Variants in OPCML observed in about 807,000 individuals in gnomAD.
The protein encoded by OPCML is opioid-binding protein/cell adhesion molecule.
A neutral mutation model predicts 37.8 loss-of-function variants in OPCML; 13 were observed. The ratio of observed to expected loss-of-function variants is 0.34; its 90% CI spans 0.22 to 0.55. OPCML has a LOEUF of 0.55. OPCML is among the 20% of genes least tolerant of loss of function. The probability of loss-of-function intolerance (pLI) is 0.91; values close to 1 mark genes in which losing one functional copy is unlikely to be tolerated. For missense variants in OPCML, 341 were observed against 435.6 expected (o/e 0.78, Z 1.93); for synonymous variants, 176 against 168.8 (o/e 1.04, Z -0.33).
chr11:132,621,023 C>A (rs890456931), intron 3 of OPCML, among the ~76,000 whole-genome samples: 1 of 152,218 alleles, frequency 6.6e-6, no homozygotes, highest in African/African-American at 2.4e-5. Context: ...AGGAAGCCAA[C>A]AGAATCTGAG....
At chr11:133,210,773 T>C (rs1939323651) in intron 1 of OPCML, among the ~76,000 whole-genome samples, 1 of 152,162 alleles carries the variant, frequency 6.6e-6, no homozygotes. Context: ...AGACCAGGTC[T>C]CAAATTCCAC....
chr11:132,592,392 G>C (rs2096485891), intron 3 of OPCML, among the ~76,000 whole-genome samples: 1 of 152,082 alleles, frequency 6.6e-6, no homozygotes, highest in South Asian at 2.1e-4. Context: ...GTACCTGGCT[G>C]GTATCTGGAA....
chr11:132,723,331 T>C (rs79758294), intron 2 of OPCML, among the ~76,000 whole-genome samples: 8,239 of 152,274 alleles, frequency 0.054, 468 homozygotes, highest in African/African-American at 0.14. Flanking sequence ...GGGGAAGCAT[T>C]ACAGCAGAGT....
At chr11:133,029,420 G>A (rs1167971226) in intron 1 of OPCML, among the ~76,000 whole-genome samples, 1 of 152,122 alleles carries the variant, frequency 6.6e-6, no homozygotes, top group Non-Finnish European at 1.5e-5. Flanking sequence ...ACACACACTT[G>A]TATGTTCATC....
chr11:133,277,300 C>A (rs886340367), intron 1 of OPCML, among the ~76,000 whole-genome samples: 2 of 151,854 alleles, frequency 1.3e-5, no homozygotes, highest in South Asian at 4.2e-4. Context: ...ATTTGGTTTT[C>A]GGGGAAGAAA....
At chr11:132,707,335 C>T (rs777635464) in intron 2 of OPCML, among the ~76,000 whole-genome samples, 1 of 152,124 alleles carries the variant, frequency 6.6e-6, no homozygotes, top group East Asian at 1.9e-4. Flanking sequence ...CAGCAGACCA[C>T]AGGAGATCCA....
At chr11:132,695,258 T>G (rs1401131985) in intron 2 of OPCML, among the ~76,000 whole-genome samples, 1 of 151,950 alleles carries the variant, frequency 6.6e-6, no homozygotes, top group Non-Finnish European at 1.5e-5. Flanking sequence ...GGAGTTGGAG[T>G]CAAGTAAATG....
chr11:133,493,842 G>A (rs913343583), intron 1 of OPCML, among the ~76,000 whole-genome samples: 1 of 152,038 alleles, frequency 6.6e-6, no homozygotes, highest in Non-Finnish European at 1.5e-5. Flanking sequence ...TAACGTTTAA[G>A]TCTTTAAAAT....
intron 2 of OPCML, among the ~76,000 whole-genome samples, chr11:132,692,875 T>G (rs181715915): frequency 7.5e-4 from 114 of 152,376 alleles, no homozygotes; most frequent in Admixed American, 2.8e-3. Context: ...CTTTTCCCAC[T>G]GGCTTTAACA....
At chr11:132,444,244 C>G (rs2136797353) in intron 4 of OPCML, among the ~76,000 whole-genome samples, 1 of 152,308 alleles carries the variant, frequency 6.6e-6, no homozygotes, top group Non-Finnish European at 1.5e-5. Flanking sequence ...TCACCCGCCT[C>G]CCATGGGGGA....
At chr11:133,000,473 C>T (rs546359324) in intron 1 of OPCML, among the ~76,000 whole-genome samples, 66 of 152,322 alleles carry the variant, frequency 4.3e-4, no homozygotes, top group African/African-American at 1.3e-3. Flanking sequence ...ATACAATACC[C>T]TTGACCAAGC....
chr11:133,450,983 T>C (rs1488647314), intron 1 of OPCML, among the ~76,000 whole-genome samples: 1 of 151,812 alleles, frequency 6.6e-6, no homozygotes, highest in East Asian at 1.9e-4. Context: ...ACATACCATA[T>C]ATATGTATAT....
intron 2 of OPCML, among the ~76,000 whole-genome samples, chr11:132,907,476 T>C (rs1026059667): frequency 6.6e-6 from 1 of 151,672 alleles, no homozygotes; most frequent in Non-Finnish European, 1.5e-5. Context: ...ACTAAAAATA[T>C]AAAAATTAGC....
chr11:132,814,645 G>A (rs1325036180), intron 2 of OPCML, among the ~76,000 whole-genome samples: 1 of 152,182 alleles, frequency 6.6e-6, no homozygotes, highest in Non-Finnish European at 1.5e-5. Context: ...CTCATCCTGA[G>A]ACACTTTCAC....
intron 1 of OPCML, among the ~76,000 whole-genome samples, chr11:133,453,537 A>G (rs2136963106): frequency 6.6e-6 from 1 of 152,318 alleles, no homozygotes; most frequent in South Asian, 2.1e-4. Flanking sequence ...TATAGATTGC[A>G]TTAAAATTGA....
intron 3 of OPCML, among the ~76,000 whole-genome samples, chr11:132,568,714 C>G (rs1464491545): frequency 6.6e-6 from 1 of 152,164 alleles, no homozygotes; most frequent in African/African-American, 2.4e-5. Flanking sequence ...AGACTTCTAG[C>G]CTTGACAACT....
At chr11:132,918,353 C>T (rs575364058) in intron 2 of OPCML, among the ~76,000 whole-genome samples, 67 of 152,272 alleles carry the variant, frequency 4.4e-4, no homozygotes, top group Admixed American at 7.9e-4. Context: ...TCCCATCCTG[C>T]TGCAAGTTCT....
At chr11:132,550,767 T>G (rs2096379790) in intron 3 of OPCML, among the ~76,000 whole-genome samples, 1 of 152,216 alleles carries the variant, frequency 6.6e-6, no homozygotes, top group Admixed American at 6.5e-5. Flanking sequence ...TCCCCAACTC[T>G]ACACTCCACC....
chr11:132,507,900 A>C (rs117770565), intron 4 of OPCML, among the ~76,000 whole-genome samples: 4 of 152,088 alleles, frequency 2.6e-5, no homozygotes, highest in South Asian at 4.1e-4. Context: ...TTTTAAAATC[A>C]TACATATGGC....
Sources: gnomAD v4.1 joint callset for allele counts (sites outside exome capture counted in the v4.1 genomes callset) on GRCh38, gnomAD v4.1.1 for gene constraint, MANE v1.5 for transcripts, NCBI Gene and HGNC (gene_info 2026-07-23, HGNC 2026-07-21) for gene names.